ELAPOR1: variants seen among roughly 807,000 people sequenced by gnomAD.
ELAPOR1 encodes the protein endosome-lysosome associated apoptosis and autophagy regulator 1, also known as endosome/lysosome-associated apoptosis and autophagy regulator 1.
In ELAPOR1, 77 loss-of-function variants were observed where a neutral mutation model predicts 119.7. The ratio of observed to expected loss-of-function variants is 0.64; its 90% CI spans 0.54 to 0.78. The LOEUF (loss-of-function observed/expected upper bound fraction) is 0.78. Ranked by LOEUF, ELAPOR1 falls within the 30% of genes least tolerant of loss-of-function variation. The pLI is 0.00. For synonymous variants in ELAPOR1, 481 were observed against 487.2 expected (o/e 0.99, Z 0.17); for missense variants, 1,115 against 1,270.4 (o/e 0.88, Z 1.86).
chr1:109,199,280 G>A (rs1485589018), intron 18 of ELAPOR1, among the ~76,000 whole-genome samples: 2 of 152,126 alleles, frequency 1.3e-5, no homozygotes, highest in African/African-American at 2.4e-5. Context: ...ACATCTTGAC[G>A]GGCACTAGCG....
intron 15 of ELAPOR1, among the ~76,000 whole-genome samples, chr1:109,196,690 T>C (rs751986382): frequency 6.8e-4 from 57 of 83,462 alleles, no homozygotes; most frequent in Non-Finnish European, 1.1e-3. Flanking sequence ...ATTTAGCACT[T>C]TTTTTTTTTT....
In ELAPOR1 at chr1:109,189,084, C is replaced by A; in HGVS notation, c.1238C>A (p.Ala413Glu). 1 of 1,613,918 alleles carries A rather than the reference C, an allele frequency of 6.2e-7. No homozygotes were observed. The highest frequency in any genetic ancestry group is 1.1e-5 in the South Asian group (1 of 91,068). The change falls in exon 10 of 22, where the codon GCA (alanine) becomes GAA (glutamate). Residue 413 changes from alanine to glutamate, a missense_variant. Coordinates refer to ENST00000369939, the MANE Select transcript of ELAPOR1 (RefSeq NM_020775.5). ...SNGSDCTRCP[A>E]GTEPAVGFEY... ...TCCCCAGACTGTACCCGCTGCCCTG[C>A]AGGGACTGAACCTGCTGTGGGATTT...
At chr1:109,126,288 G>T (rs1381029896) in intron 1 of ELAPOR1, among the ~76,000 whole-genome samples, 1 of 152,100 alleles carries the variant, frequency 6.6e-6, no homozygotes, top group Non-Finnish European at 1.5e-5. Context: ...TGGACAGAAG[G>T]CCAGTGTGGC....
At position 109,192,832 on chromosome 1, in the gene ELAPOR1, C is replaced by A. The variant is rs965420175; in HGVS notation, c.1905C>A (p.Val635=). 3.1e-6 allele frequency: 5 copies of A among 1,613,962 alleles called. No homozygotes were observed. The highest frequency in any genetic ancestry group is 4.2e-6 in the Non-Finnish European group (5 of 1,180,046). Residue 635 remains valine (V), a synonymous_variant, in exon 14 of 22, where the codon GTC becomes GTA. Transcript: ENST00000369939. ...TGAAAGCCCACCAGCCTTATGGTGT[C>A]CAGGCCTGTGTGCCCTGTGGTCCAG... is the stretch of plus-strand genomic sequence containing the variant. ...TILKAHQPYG[V]QACVPCGPGT... is the part of the protein sequence containing the mutation.
At position 109,185,077 on chromosome 1, in the gene ELAPOR1, G is replaced by C; in HGVS notation, c.985G>C (p.Ala329Pro). The C allele has an allele frequency of 6.2e-7, 1 of 1,614,164 alleles. No homozygotes were observed. Among genetic ancestry groups the C allele is most frequent in the Non-Finnish European group, 8.5e-7 (1 of 1,180,000 alleles). ...KGSSSCNVRP[A>P]CTDKDYFYTH... is the part of the protein sequence containing the mutation. The stretch of plus-strand genomic sequence containing the variant: ...ATCTTCTTCCTGTAACGTGCGCCCA[G>C]CTTGCACAGACAAAGATTATTTCTA... The change falls in exon 8 of 22, where the codon GCT (alanine) becomes CCT (proline). Residue 329 changes from alanine to proline, a missense_variant. Transcript: ENST00000369939.
At chr1:109,154,550 G>A (rs1209311667) in intron 1 of ELAPOR1, among the ~76,000 whole-genome samples, 2 of 152,198 alleles carry the variant, frequency 1.3e-5, no homozygotes, top group African/African-American at 4.8e-5. Context: ...GACCTTCGCA[G>A]CCTGGGGAGT....
chr1:109,198,435 C>A, intron 17 of ELAPOR1, 138 bp from the exon 18 acceptor site: 1 of 698,202 alleles, frequency 1.4e-6, no homozygotes, highest in Non-Finnish European at 2.4e-6. Flanking sequence ...AAGGCCTGTG[C>A]ACTCCCTGTG....
chr1:109,163,382 G>A (rs141877281), intron 2 of ELAPOR1, among the ~76,000 whole-genome samples: 253 of 152,280 alleles, frequency 1.7e-3, no homozygotes, highest in Non-Finnish European at 2.9e-3. Flanking sequence ...GAGAATAATA[G>A]TACATACGTG....
intron 1 of ELAPOR1, among the ~76,000 whole-genome samples, chr1:109,153,078 G>T (rs1650639720): frequency 6.6e-6 from 1 of 152,014 alleles, no homozygotes; most frequent in Non-Finnish European, 1.5e-5. Context: ...GCAGAAATTG[G>T]TGAGTATTGA....
chr1:109,179,647 T>C (rs1314359718), intron 7 of ELAPOR1, among the ~76,000 whole-genome samples: 1 of 152,114 alleles, frequency 6.6e-6, no homozygotes, highest in African/African-American at 2.4e-5. Context: ...CGGCCATGCC[T>C]GTAATCCCAG....
At chr1:109,165,462 GT>G (rs1017531272) in intron 3 of ELAPOR1, among the ~76,000 whole-genome samples, 29 of 151,962 alleles carry the variant, frequency 1.9e-4, no homozygotes, top group African/African-American at 6.0e-4. Flanking sequence ...GTGCATACCT[GT>G]GATCTCAGCG....
intron 1 of ELAPOR1, among the ~76,000 whole-genome samples, chr1:109,152,089 G>T (rs1014949070): frequency 6.0e-4 from 92 of 152,222 alleles, no homozygotes; most frequent in African/African-American, 2.0e-3. Context: ...GCCCAGGCTG[G>T]TCTTGAACTC....
intron 3 of ELAPOR1, among the ~76,000 whole-genome samples, chr1:109,171,345 C>T (rs1032171331): frequency 6.6e-6 from 1 of 151,836 alleles, no homozygotes; most frequent in Admixed American, 6.6e-5. Flanking sequence ...GTCAGGAGTT[C>T]GAGACCAGGC....
At chr1:109,178,695 C>CG (rs1274288240) in intron 7 of ELAPOR1, among the ~76,000 whole-genome samples, 1 of 151,980 alleles carries the variant, frequency 6.6e-6, no homozygotes, top group East Asian at 1.9e-4. Flanking sequence ...CCGGGTGTGG[C>CG]GGCTCACGCC....
chr1:109,137,602 A>G (rs2100991952), intron 1 of ELAPOR1, among the ~76,000 whole-genome samples: 1 of 151,966 alleles, frequency 6.6e-6, no homozygotes, highest in East Asian at 1.9e-4. Flanking sequence ...ATCTCGGCTC[A>G]CTGCAACCTC....
intron 1 of ELAPOR1, among the ~76,000 whole-genome samples, chr1:109,117,306 G>A (rs750921879): frequency 2.0e-5 from 3 of 152,174 alleles, no homozygotes; most frequent in Admixed American, 1.3e-4. Context: ...TTCATGAATC[G>A]TTTCTTTAGC....
Position 109,192,750 on chromosome 1 carries a change from G to C in ELAPOR1, c.1823G>C (p.Gly608Ala). The change falls in exon 14 of 22, where the codon GGT becomes GCT. Residue 608 changes from glycine (G) to alanine (A), a missense_variant. Gly to Ala is a moderately conservative substitution (Grantham distance 60). Coordinates refer to ENST00000369939, the MANE Select transcript of ELAPOR1 (RefSeq NM_020775.5). Reference protein sequence around the residue: ...VGSSCTSCPAGYYIDRDSGTC... With the variant: ...VGSSCTSCPAAYYIDRDSGTC... ...TCCTCCTGCACCTCTTGTCCTGCTGGTTACTATATTGACCGAGATTCAGGA... is the reference window on the plus strand; with the variant it reads ...TCCTCCTGCACCTCTTGTCCTGCTGCTTACTATATTGACCGAGATTCAGGA... 1 of 1,613,978 alleles carries C rather than the reference G, an allele frequency of 6.2e-7. No individual in the cohort carries two copies. The highest frequency in any genetic ancestry group is 8.5e-7 in the Non-Finnish European group (1 of 1,180,030).
In ELAPOR1 at chr1:109,204,258, T is replaced by C. The variant is rs1024949786; in HGVS notation, c.*1246T>C. On this transcript the variant is annotated 3_prime_UTR_variant, in exon 22 of 22. Transcript: ENST00000369939. ...TTTTTAAACCACGTAGCTCATTGCC[T>C]TCTCTTAAGTAAATGATAGATATTC... is the stretch of plus-strand genomic sequence containing the variant. 1 of 152,198 alleles carries C rather than the reference T, an allele frequency of 6.6e-6. No individual in the cohort carries two copies. Among genetic ancestry groups the C allele is most frequent in the African/African-American group, 2.4e-5 (1 of 41,446 alleles). 9.4% of individuals were successfully genotyped at this position (152,198 alleles called of 1,614,324 possible).
intron 1 of ELAPOR1, among the ~76,000 whole-genome samples, chr1:109,135,230 C>G (rs1221156407): frequency 6.6e-6 from 1 of 151,560 alleles, no homozygotes; most frequent in Non-Finnish European, 1.5e-5. Context: ...TGAGAGAGGC[C>G]TAAGAATTCA....
Sources: allele counts gnomAD v4.1 joint callset (sites outside exome capture counted in the v4.1 genomes callset), GRCh38; gene constraint gnomAD v4.1.1; transcripts MANE v1.5; gene names NCBI Gene and HGNC (gene_info 2026-07-23, HGNC 2026-07-21).